The following TRIQK variants were observed in gnomAD, a reference collection of about 807,000 sequenced individuals.
TRIQK encodes triple QxxK/R motif containing.
Under a neutral mutation model 10.8 loss-of-function variants are expected in TRIQK, and 10 were observed. The ratio of observed to expected loss-of-function variants is 0.92; its 90% CI spans 0.57 to 1.57. TRIQK has a LOEUF of 1.57. Among genes scored for constraint, TRIQK ranks in the 40% most tolerant of loss-of-function variants. TRIQK has a pLI of 0.00. For missense variants in TRIQK, 107 were observed against 97.7 expected (o/e 1.09, Z -0.40); for synonymous variants, 33 against 33.7 (o/e 0.98, Z 0.07).
intron 1 of TRIQK, among the ~76,000 whole-genome samples, chr8:92,976,546 G>C (rs759066044): frequency 5.9e-5 from 9 of 151,590 alleles, no homozygotes; most frequent in Non-Finnish European, 1.2e-4. Flanking sequence ...TCTCTTTTTT[G>C]TAGACAACAT....
At chr8:92,919,288 A>T (rs1236136653) in intron 2 of TRIQK, among the ~76,000 whole-genome samples, 2 of 151,936 alleles carry the variant, frequency 1.3e-5, no homozygotes, top group African/African-American at 2.4e-5. Flanking sequence ...TAGAGATTGC[A>T]TTAAATCAGT....
intron 2 of TRIQK, among the ~76,000 whole-genome samples, chr8:92,940,495 T>C (rs1811214750): frequency 6.6e-6 from 1 of 152,076 alleles, no homozygotes; most frequent in African/African-American, 2.4e-5. Flanking sequence ...TCAAATAAAA[T>C]AGACTTTAAA....
intron 1 of TRIQK, among the ~76,000 whole-genome samples, chr8:92,994,095 ACT>A (rs1398541135): frequency 1.3e-5 from 2 of 152,028 alleles, no homozygotes; most frequent in African/African-American, 4.8e-5. Flanking sequence ...TTGTACACTA[ACT>A]CTGTGCAATT....
Position 92,891,977 on chromosome 8 carries a change from A to C in TRIQK, c.147+12T>G. ...ACATATCAAATTTTAAAGTTATCAA[A>C]TAGAGGTTTACCTTTATGCCTATTG... On this transcript the variant is annotated intron_variant, in intron 4 of 4. Coordinates refer to ENST00000521988, the MANE Select transcript of TRIQK (RefSeq NM_001171797.2). 1 of 1,522,348 alleles carries C rather than the reference A, an allele frequency of 6.6e-7. No individual in the cohort carries two copies. Among genetic ancestry groups the C allele is most frequent in the Non-Finnish European group, 8.8e-7 (1 of 1,138,120 alleles). The allele number at this position is 1,522,348 out of a possible 1,614,324, so 94.3% of individuals were successfully genotyped here.
At chr8:92,933,856 T>C (rs1349871521) in intron 2 of TRIQK, among the ~76,000 whole-genome samples, 4 of 152,114 alleles carry the variant, frequency 2.6e-5, no homozygotes, top group Non-Finnish European at 5.9e-5. Flanking sequence ...AGTACACAGA[T>C]AACATATCAC....
At chr8:92,909,565 A>C (rs2130405508) in intron 3 of TRIQK, among the ~76,000 whole-genome samples, 1 of 151,956 alleles carries the variant, frequency 6.6e-6, no homozygotes, top group South Asian at 2.1e-4. Flanking sequence ...GCTTGGACAT[A>C]ACAGCTTGTC....
intron 1 of TRIQK, among the ~76,000 whole-genome samples, chr8:93,017,113 GAGAGA>G (rs1813391648): frequency 6.3e-3 from 2 of 316 alleles, no homozygotes; most frequent in Non-Finnish European, 0.014. Flanking sequence ...TATACTTGGA[GAGAGA>G]GAGAGAGAGA....
intron 1 of TRIQK, chr8:92,974,342 C>T (rs905229375): frequency 6.6e-6 from 1 of 152,226 alleles, no homozygotes; most frequent in African/African-American, 2.4e-5. Context: ...CAACAGCTCC[C>T]ACCTCAAACC....
chr8:92,990,832 G>A (rs1244065793), intron 1 of TRIQK, among the ~76,000 whole-genome samples: 1 of 152,144 alleles, frequency 6.6e-6, no homozygotes, highest in Non-Finnish European at 1.5e-5. Flanking sequence ...GGTCATTTGG[G>A]CAGACACCAA....
At chr8:92,928,078 T>A (rs575867455) in intron 2 of TRIQK, 4 of 152,008 alleles carry the variant, frequency 2.6e-5, no homozygotes, top group African/African-American at 9.7e-5. Flanking sequence ...AAGGGGGATA[T>A]AAAAAGATAG....
chr8:92,909,674 C>T (rs1809466689), intron 3 of TRIQK, among the ~76,000 whole-genome samples: 1 of 151,608 alleles, frequency 6.6e-6, no homozygotes, highest in African/African-American at 2.4e-5. Flanking sequence ...AACCAAGTTG[C>T]TCATAAAATA....
intron 1 of TRIQK, among the ~76,000 whole-genome samples, chr8:93,006,883 G>A (rs1690323886): frequency 6.6e-6 from 1 of 152,190 alleles, no homozygotes; most frequent in African/African-American, 2.4e-5. Context: ...AGCAGCAGGG[G>A]TGGCCACGGT....
intron 1 of TRIQK, among the ~76,000 whole-genome samples, chr8:92,955,538 A>G (rs1812125956): frequency 6.6e-6 from 1 of 151,774 alleles, no homozygotes; most frequent in South Asian, 2.1e-4. Context: ...TAGATACAAC[A>G]CCAATAGCAC....
chr8:92,947,944 T>C lies in TRIQK; in HGVS notation c.-22+6462A>G, dbSNP rs144766376. The stretch of plus-strand genomic sequence containing the variant: ...AAAATATATATGTTTAGTCAATTCC[T>C]TGAATTACAATGATAGGATTCTGAA... On this transcript the variant is annotated intron_variant, in intron 2 of 4. Transcript: ENST00000521988. 5.2e-4 allele frequency among the ~76,000 whole-genome samples: 79 copies of C among 152,292 alleles called. 1 individual carries two copies. The East Asian group carries it at 0.015, about 28-fold the overall frequency.
chr8:93,008,291 A>T (rs1443342685), intron 1 of TRIQK, among the ~76,000 whole-genome samples: 2 of 152,184 alleles, frequency 1.3e-5, no homozygotes, highest in Admixed American at 1.3e-4. Flanking sequence ...TGGAACTTAA[A>T]ATTAAATCAA....
Position 92,885,408 on chromosome 8 carries a change from CAT to C in TRIQK, c.*1212_*1213del, listed in dbSNP as rs150461658. 4.4e-4 allele frequency: 69 copies of C among 157,992 alleles called. No homozygotes were observed. In the East Asian group the frequency reaches 9.9e-3, roughly 23 times the overall value. 9.8% of individuals were successfully genotyped at this position (157,992 alleles called of 1,614,324 possible). A position where few individuals can be genotyped will look rare whatever the true frequency, so the allele number is the denominator to read the frequency against. On this transcript the variant is annotated 3_prime_UTR_variant, in exon 5 of 5. Transcript: ENST00000521988. ...TATATAATATAAAACACTTTGTGCA[CAT>C]GTTTCCAACAATTTCATTTTCTATG...
At position 92,886,478 on chromosome 8, in the gene TRIQK, T is replaced by A. The variant is rs879176583; in HGVS notation, c.*144A>T. On this transcript the variant is annotated 3_prime_UTR_variant, in exon 5 of 5. Transcript: ENST00000521988. ...GTAAGGTTCTTTTCCTGACATCCTA[T>A]GCAACTATCAAAAATCATATGTCTG... 1.8e-6 allele frequency: 1 copy of A among 563,476 alleles called. No individual in the cohort carries two copies. Among genetic ancestry groups the A allele is most frequent in the Non-Finnish European group, 3.1e-6 (1 of 320,570 alleles). 34.9% of individuals were successfully genotyped at this position (563,476 alleles called of 1,614,324 possible). A position where few individuals can be genotyped will look rare whatever the true frequency, so the allele number is the denominator to read the frequency against.
chr8:92,985,642 A>G (rs1214220852), intron 1 of TRIQK, among the ~76,000 whole-genome samples: 1 of 152,174 alleles, frequency 6.6e-6, no homozygotes, highest in Non-Finnish European at 1.5e-5. Flanking sequence ...TCAAGGTTTC[A>G]CCAGGCCAGG....
intron 1 of TRIQK, chr8:92,974,686 C>G (rs1420266683): frequency 1.3e-5 from 2 of 152,244 alleles, no homozygotes; most frequent in Non-Finnish European, 2.9e-5. Flanking sequence ...GACTGTAATC[C>G]AGGCTTTCCT....
Sources: allele counts gnomAD v4.1 joint callset (sites outside exome capture counted in the v4.1 genomes callset), GRCh38; gene constraint gnomAD v4.1.1; transcripts MANE v1.5; gene names NCBI Gene and HGNC (gene_info 2026-07-23, HGNC 2026-07-21).